FOXJ3: variants seen among roughly 807,000 people sequenced by gnomAD.
FOXJ3 encodes the protein forkhead box J3, also known as forkhead box protein J3.
FOXJ3 carries 22 observed loss-of-function variants against 76.1 expected under a neutral mutation model. The observed-to-expected ratio is 0.29, with a 90% confidence interval of 0.21 to 0.41. FOXJ3 has a LOEUF of 0.41. Ranked by LOEUF, FOXJ3 falls within the 10% of genes least tolerant of loss-of-function variation. The pLI is 1.00. For missense variants in FOXJ3, 613 were observed against 762.1 expected (o/e 0.80, Z 2.30); for synonymous variants, 269 against 261.2 (o/e 1.03, Z -0.29).
chr1:42,199,329 A>T, intron 6 of FOXJ3, 99 bp from the exon 7 acceptor site: 2 of 988,866 alleles, frequency 2.0e-6, no homozygotes, highest in South Asian at 3.2e-5. Context: ...GAAGAAAAAA[A>T]TCTCAGTGGC....
chr1:42,206,973 G>C (rs1000598780), intron 5 of FOXJ3, among the ~76,000 whole-genome samples: 1 of 152,044 alleles, frequency 6.6e-6, no homozygotes, highest in South Asian at 2.1e-4. Context: ...TGGGATTACA[G>C]GTGTGTGTCA....
chr1:42,241,313 GC>G (rs1275224749), intron 4 of FOXJ3, among the ~76,000 whole-genome samples: 2 of 152,160 alleles, frequency 1.3e-5, no homozygotes, highest in Non-Finnish European at 1.5e-5. Flanking sequence ...CATAGCCACA[GC>G]ATACTTGTAC....
chr1:42,328,383 C>T (rs1655964782), intron 1 of FOXJ3, among the ~76,000 whole-genome samples: 1 of 152,172 alleles, frequency 6.6e-6, no homozygotes, highest in Admixed American at 6.5e-5. Flanking sequence ...AGTCTGTGTT[C>T]TAAAAACAGT....
intron 4 of FOXJ3, among the ~76,000 whole-genome samples, chr1:42,242,590 A>AGAGG (rs954703590): frequency 2.7e-5 from 4 of 150,720 alleles, no homozygotes; most frequent in African/African-American, 9.7e-5. Flanking sequence ...AAAGAATGAA[A>AGAGG]GAGGGCTCTC....
At chr1:42,326,220 C>G (rs1236548426) in intron 1 of FOXJ3, among the ~76,000 whole-genome samples, 2 of 152,144 alleles carry the variant, frequency 1.3e-5, no homozygotes, top group Admixed American at 1.3e-4. Flanking sequence ...CACTGCACCC[C>G]AGCCTGGGAG....
At chr1:42,182,567 G>A (rs1316150238) in intron 11 of FOXJ3, among the ~76,000 whole-genome samples, 4 of 152,074 alleles carry the variant, frequency 2.6e-5, no homozygotes, top group African/African-American at 4.8e-5. Flanking sequence ...GCGCAATCTC[G>A]GCTCACTGCA....
chr1:42,262,323 T>C (rs1451179913), intron 4 of FOXJ3, among the ~76,000 whole-genome samples: 1 of 152,236 alleles, frequency 6.6e-6, no homozygotes, highest in Admixed American at 6.5e-5. Flanking sequence ...AATTCCACAA[T>C]GAACCTGAGC....
chr1:42,304,101 T>C (rs1405113998), intron 2 of FOXJ3, among the ~76,000 whole-genome samples: 13 of 152,114 alleles, frequency 8.5e-5, no homozygotes, highest in African/African-American at 2.7e-4. Flanking sequence ...CCAGAGTTTC[T>C]ATATGCCAAG....
intron 2 of FOXJ3, among the ~76,000 whole-genome samples, chr1:42,306,298 CTTTTTTTTTTTTTTT>C (rs9326121): frequency 1.2e-5 from 1 of 81,692 alleles, no homozygotes. Context: ...GAACTTTTTT[CTTTTTTTTTTTTTTT>C]TTTTTTTTGG....
intron 1 of FOXJ3, among the ~76,000 whole-genome samples, chr1:42,331,215 C>A (rs1656142019): frequency 6.6e-6 from 1 of 152,082 alleles, no homozygotes; most frequent in Non-Finnish European, 1.5e-5. Context: ...AACCTCGTCT[C>A]CACTAAAAAC....
chr1:42,222,532 A>C (rs1028356725), intron 5 of FOXJ3, among the ~76,000 whole-genome samples: 4 of 152,150 alleles, frequency 2.6e-5, no homozygotes, highest in African/African-American at 9.7e-5. Context: ...TTGTTTACCA[A>C]CTGTTCCCTC....
intron 5 of FOXJ3, among the ~76,000 whole-genome samples, chr1:42,225,954 T>A (rs935800474): frequency 3.3e-5 from 5 of 152,212 alleles, no homozygotes; most frequent in Non-Finnish European, 7.3e-5. Flanking sequence ...GGACAGTTGT[T>A]CGCCCAATTC....
intron 2 of FOXJ3, among the ~76,000 whole-genome samples, chr1:42,306,953 C>T (rs1421452491): frequency 2.0e-5 from 3 of 152,164 alleles, no homozygotes; most frequent in African/African-American, 7.2e-5. Flanking sequence ...ACTGCAGCAC[C>T]CCTACCCGTA....
chr1:42,266,791 C>T (rs985007032), intron 3 of FOXJ3, among the ~76,000 whole-genome samples: 1 of 151,900 alleles, frequency 6.6e-6, no homozygotes, highest in African/African-American at 2.4e-5. Flanking sequence ...TTTTACAAAG[C>T]AAAAAAACAA....
chr1:42,196,287 C>T (rs1031376725), intron 7 of FOXJ3, among the ~76,000 whole-genome samples: 1 of 152,166 alleles, frequency 6.6e-6, no homozygotes, highest in African/African-American at 2.4e-5. Context: ...TCCATGTGGG[C>T]TCATTGTGGC....
At chr1:42,242,552 TAACTC>T (rs1205652184) in intron 4 of FOXJ3, among the ~76,000 whole-genome samples, 2 of 130,842 alleles carry the variant, frequency 1.5e-5, no homozygotes, top group East Asian at 2.3e-4. Flanking sequence ...TCTTTAGAAA[TAACTC>T]AATAAGACCA....
At chr1:42,197,787 G>A (rs777898080) in intron 7 of FOXJ3, among the ~76,000 whole-genome samples, 2 of 151,880 alleles carry the variant, frequency 1.3e-5, no homozygotes, top group African/African-American at 2.4e-5. Context: ...GCCTCCTAAG[G>A]TGCATGCCAC....
chr1:42,322,052 T>C (rs955420480), intron 1 of FOXJ3, among the ~76,000 whole-genome samples: 1 of 151,840 alleles, frequency 6.6e-6, no homozygotes, highest in Non-Finnish European at 1.5e-5. Context: ...GATGGCTGAA[T>C]TGTCATAAAA....
chr1:42,196,207 T>C (rs1646647859), intron 7 of FOXJ3, among the ~76,000 whole-genome samples: 1 of 152,174 alleles, frequency 6.6e-6, no homozygotes. Context: ...TACTGTCACG[T>C]GGGATGTAGG....
Sources: allele counts gnomAD v4.1 joint callset (sites outside exome capture counted in the v4.1 genomes callset), GRCh38; gene constraint gnomAD v4.1.1; transcripts MANE v1.5; gene names NCBI Gene and HGNC (gene_info 2026-07-23, HGNC 2026-07-21).